Variants in TMEM178B observed in about 807,000 individuals in gnomAD.
TMEM178B encodes transmembrane protein 178B.
In TMEM178B, 5 loss-of-function variants were observed where a neutral mutation model predicts 31.0. The observed-to-expected ratio is 0.16, with a 90% CI of 0.08 to 0.34. The LOEUF is 0.34. TMEM178B is among the 10% of genes least tolerant of loss of function. The pLI, the probability that TMEM178B is intolerant of heterozygous loss-of-function variation, is 1.00. For synonymous variants in TMEM178B, 164 were observed against 164.0 expected (o/e 1.00, Z 0.00); for missense variants, 275 against 400.3 (o/e 0.69, Z 2.67).
At chr7:141,373,255 G>C (rs1213702996) in intron 2 of TMEM178B, among the ~76,000 whole-genome samples, 1 of 152,210 alleles carries the variant, frequency 6.6e-6, no homozygotes, top group Admixed American at 6.5e-5. Context: ...GCAGAGGCCA[G>C]AGCAAATGGT....
intron 1 of TMEM178B, among the ~76,000 whole-genome samples, chr7:141,090,211 G>A (rs989771309): frequency 7.2e-5 from 11 of 151,882 alleles, no homozygotes; most frequent in African/African-American, 1.9e-4. Flanking sequence ...TTAGAGACAG[G>A]GTCTCACTCT....
chr7:141,305,540 G>T (rs1480435225), intron 2 of TMEM178B, among the ~76,000 whole-genome samples: 1 of 151,968 alleles, frequency 6.6e-6, no homozygotes, highest in Non-Finnish European at 1.5e-5. Flanking sequence ...CAATTCTCCT[G>T]CCTCAGCCTC....
intron 2 of TMEM178B, among the ~76,000 whole-genome samples, chr7:141,339,114 G>A (rs545281906): frequency 1.1e-4 from 16 of 152,250 alleles, no homozygotes; most frequent in African/African-American, 3.4e-4. Flanking sequence ...GCCCTCAAGC[G>A]GGGTAATTTC....
At chr7:141,280,857 G>T (rs1334396253) in intron 2 of TMEM178B, among the ~76,000 whole-genome samples, 5 of 152,174 alleles carry the variant, frequency 3.3e-5, no homozygotes, top group Admixed American at 1.3e-4. Context: ...ACAGTTGGAG[G>T]CTGCTTCTCT....
At chr7:141,241,123 T>C (rs1053404716) in intron 2 of TMEM178B, among the ~76,000 whole-genome samples, 4 of 145,830 alleles carry the variant, frequency 2.7e-5, no homozygotes, top group African/African-American at 1.0e-4. Flanking sequence ...CCGAGTAGTG[T>C]ACATTGTACC....
intron 3 of TMEM178B, among the ~76,000 whole-genome samples, chr7:141,459,213 G>A (rs1438336615): frequency 6.6e-6 from 1 of 152,166 alleles, no homozygotes. Flanking sequence ...ATTTTTAGTA[G>A]AGACAGGGTT....
chr7:141,244,266 C>T (rs994405840), intron 2 of TMEM178B, among the ~76,000 whole-genome samples: 9 of 152,100 alleles, frequency 5.9e-5, no homozygotes, highest in Non-Finnish European at 1.3e-4. Context: ...ACGTAACTCA[C>T]GAAACAGGTA....
At chr7:141,212,499 C>T (rs953151835) in intron 1 of TMEM178B, 92 bp from the exon 2 acceptor site, 1 of 1,081,406 alleles carries the variant, frequency 9.2e-7, no homozygotes, top group Middle Eastern at 2.0e-4. Context: ...TGAAAGAAGT[C>T]TTCTTCTCCA....
At chr7:141,294,746 A>G (rs1798602498) in intron 2 of TMEM178B, among the ~76,000 whole-genome samples, 1 of 152,060 alleles carries the variant, frequency 6.6e-6, no homozygotes. Context: ...GAATATAGAG[A>G]AGAGAATAGA....
chr7:141,197,280 G>C (rs1307737757), intron 1 of TMEM178B, among the ~76,000 whole-genome samples: 1 of 152,176 alleles, frequency 6.6e-6, no homozygotes, highest in Non-Finnish European at 1.5e-5. Flanking sequence ...TAGAGAGAGG[G>C]CTTCATTAAT....
At chr7:141,268,137 T>G (rs1798123491) in intron 2 of TMEM178B, among the ~76,000 whole-genome samples, 1 of 152,198 alleles carries the variant, frequency 6.6e-6, no homozygotes, top group African/African-American at 2.4e-5. Flanking sequence ...TGCACCAAAA[T>G]AAACTCGCAC....
At chr7:141,392,843 A>G (rs960998652) in intron 2 of TMEM178B, among the ~76,000 whole-genome samples, 2 of 151,516 alleles carry the variant, frequency 1.3e-5, no homozygotes, top group Non-Finnish European at 2.9e-5. Context: ...TGGATTTAGA[A>G]GACTCAAGAA....
chr7:141,159,400 A>C (rs939818090), intron 1 of TMEM178B, among the ~76,000 whole-genome samples: 2 of 152,190 alleles, frequency 1.3e-5, no homozygotes, highest in East Asian at 1.9e-4. Flanking sequence ...TAGCTCCCCC[A>C]AAAATTAAAT....
chr7:141,434,902 C>T (rs752111631), intron 2 of TMEM178B, among the ~76,000 whole-genome samples: 3 of 152,178 alleles, frequency 2.0e-5, no homozygotes, highest in Non-Finnish European at 4.4e-5. Flanking sequence ...ACATAATGAC[C>T]TCCAGTTCCA....
At chr7:141,085,065 C>T (rs543158503) in intron 1 of TMEM178B, among the ~76,000 whole-genome samples, 1 of 151,838 alleles carries the variant, frequency 6.6e-6, no homozygotes, top group East Asian at 1.9e-4. Flanking sequence ...GCAGTCTCTG[C>T]CTCCCAGGTT....
intron 1 of TMEM178B, among the ~76,000 whole-genome samples, chr7:141,129,551 A>G (rs1795561029): frequency 6.6e-6 from 1 of 152,176 alleles, no homozygotes; most frequent in Non-Finnish European, 1.5e-5. Flanking sequence ...ACTCCTGCCA[A>G]ATAAATATAA....
At chr7:141,104,542 T>G (rs1443461070) in intron 1 of TMEM178B, among the ~76,000 whole-genome samples, 1 of 152,270 alleles carries the variant, frequency 6.6e-6, no homozygotes, top group Non-Finnish European at 1.5e-5. Context: ...CTACCTCTGC[T>G]GCTTTCTACT....
At chr7:141,174,586 A>C (rs1796398231) in intron 1 of TMEM178B, among the ~76,000 whole-genome samples, 1 of 152,184 alleles carries the variant, frequency 6.6e-6, no homozygotes, top group South Asian at 2.1e-4. Flanking sequence ...CAACAGAGTA[A>C]AAGCATTCCT....
At chr7:141,437,839 C>T in intron 3 of TMEM178B, 94 bp downstream of exon 3, 2 of 1,472,582 alleles carry the variant, frequency 1.4e-6, no homozygotes, top group South Asian at 2.6e-5. Context: ...CAGAGGGGAC[C>T]ATGACGTGAC....
Sources: gnomAD v4.1 joint callset for allele counts (sites outside exome capture counted in the v4.1 genomes callset) on GRCh38, gnomAD v4.1.1 for gene constraint, MANE v1.5 for transcripts, NCBI Gene and HGNC (gene_info 2026-07-23, HGNC 2026-07-21) for gene names.